FBXW7: variants seen among roughly 807,000 people sequenced by gnomAD.
The protein encoded by FBXW7 is F-box/WD repeat-containing protein 7.
In FBXW7, 11 loss-of-function variants were observed where a neutral mutation model predicts 86.3. The ratio of observed to expected loss-of-function variants is 0.13; its 90% CI spans 0.08 to 0.21. The LOEUF is 0.21. Ranked by LOEUF, FBXW7 falls within the 10% of genes least tolerant of loss-of-function variation. The pLI is 1.00. For missense variants in FBXW7, 488 were observed against 847.4 expected (o/e 0.58, Z 5.27); for synonymous variants, 313 against 297.9 (o/e 1.05, Z -0.52).
intron 4 of FBXW7, among the ~76,000 whole-genome samples, chr4:152,368,216 AC>A (rs1733674706): frequency 6.6e-6 from 1 of 152,070 alleles, no homozygotes; most frequent in Non-Finnish European, 1.5e-5. Flanking sequence ...TTCTCTACAT[AC>A]CAGCTGTATG....
intron 2 of FBXW7, among the ~76,000 whole-genome samples, chr4:152,488,798 A>ATAAT (rs1227482764): frequency 6.6e-6 from 1 of 152,084 alleles, no homozygotes; most frequent in Non-Finnish European, 1.5e-5. Flanking sequence ...AACTACCCAT[A>ATAAT]TAATATTCTC....
intron 2 of FBXW7, among the ~76,000 whole-genome samples, chr4:152,478,490 C>A (rs988732599): frequency 6.6e-6 from 1 of 152,036 alleles, no homozygotes; most frequent in Non-Finnish European, 1.5e-5. Flanking sequence ...CCTTTTTCAT[C>A]TTTTATTTAG....
intron 7 of FBXW7, among the ~76,000 whole-genome samples, chr4:152,335,148 G>A (rs1318232649): frequency 6.6e-6 from 1 of 152,110 alleles, no homozygotes; most frequent in Non-Finnish European, 1.5e-5. Context: ...TGAACTGAAT[G>A]TCCATATTCC....
chr4:152,388,568 TA>T (rs1192810616), intron 4 of FBXW7, among the ~76,000 whole-genome samples: 2 of 152,104 alleles, frequency 1.3e-5, no homozygotes, highest in Non-Finnish European at 2.9e-5. Context: ...CATTATAAAT[TA>T]AAAAGTAAAA....
intron 2 of FBXW7, among the ~76,000 whole-genome samples, chr4:152,465,211 C>T (rs1743294836): frequency 6.6e-6 from 1 of 151,886 alleles, no homozygotes; most frequent in Non-Finnish European, 1.5e-5. Context: ...AAAGTCTCTA[C>T]TGACATCAAA....
chr4:152,411,150 C>G (rs1579125627), intron 4 of FBXW7, 153 bp downstream of exon 4: 1 of 1,159,824 alleles, frequency 8.6e-7, no homozygotes, highest in East Asian at 2.7e-5. Context: ...TAATACTTTC[C>G]ATTACCTTCT....
At position 152,411,470 on chromosome 4, in the gene FBXW7, C is replaced by A. The variant is rs762567267; in HGVS notation, c.334G>T (p.Asp112Tyr). The A allele has an allele frequency of 4.3e-6, 7 of 1,613,398 alleles. No individual in the cohort carries two copies. Among genetic ancestry groups the A allele is most frequent in the African/African-American group, 1.3e-5 (1 of 74,888 alleles). ...TGGTCCATCTCCTCCTCCTCCTCAT[C>A]CTCCTCATCTTGTTCACCAGCATGT... ...EEHAGEQDEEDEEEEEMDQES... is the reference protein window; with the variant it reads ...EEHAGEQDEEYEEEEEMDQES... The change falls in exon 4 of 14, where the codon GAT becomes TAT. Residue 112 changes from aspartate (D) to tyrosine (Y), a missense_variant. Asp to Tyr is a radical substitution (Grantham distance 160). Transcript: ENST00000281708.
intron 2 of FBXW7, among the ~76,000 whole-genome samples, chr4:152,522,010 C>A (rs912769165): frequency 2.0e-5 from 3 of 151,114 alleles, no homozygotes; most frequent in Admixed American, 6.6e-5. Flanking sequence ...TAGTAAGGGT[C>A]CAATTTTAAA....
chr4:152,486,473 T>C (rs1745351654), intron 2 of FBXW7, among the ~76,000 whole-genome samples: 1 of 152,230 alleles, frequency 6.6e-6, no homozygotes, highest in South Asian at 2.1e-4. Flanking sequence ...AAAAAATTCC[T>C]GTTTTACTTT....
In FBXW7 at chr4:152,337,915, A is replaced by G. The variant is rs1160086023; in HGVS notation, c.748T>C (p.Leu250=). The change falls in exon 7 of 14, where the codon TTG becomes CTG. Residue 250 remains leucine, a synonymous_variant. Coordinates refer to ENST00000281708, the MANE Select transcript of FBXW7 (RefSeq NM_001349798.2). The stretch of plus-strand genomic sequence containing the variant: ...TCAATGAGTTCATCTAAAGCAAGCA[A>G]TTTCTCTGGTCCACTCCAGCTCTAT... ...MFQSWSGPEK[L]LALDELIDSC... 8.7e-6 allele frequency: 14 copies of G among 1,611,870 alleles called. No homozygotes were observed. The highest frequency in any genetic ancestry group is 5.3e-5 in the African/African-American group (4 of 74,822).
chr4:152,501,739 T>C (rs550973091), intron 2 of FBXW7, among the ~76,000 whole-genome samples: 2 of 152,260 alleles, frequency 1.3e-5, no homozygotes, highest in East Asian at 1.9e-4. Flanking sequence ...TTTTTTTTAT[T>C]TGTGAAAGAG....
At chr4:152,438,224 A>G (rs1351035303) in intron 2 of FBXW7, among the ~76,000 whole-genome samples, 2 of 152,218 alleles carry the variant, frequency 1.3e-5, no homozygotes, top group Non-Finnish European at 2.9e-5. Flanking sequence ...CACACTTTTT[A>G]GACAGAATGC....
chr4:152,336,783 T>C (rs1057326179), intron 7 of FBXW7, among the ~76,000 whole-genome samples: 2 of 152,062 alleles, frequency 1.3e-5, no homozygotes, highest in Admixed American at 6.6e-5. Context: ...TATGCTTAGT[T>C]CCATGCATTA....
intron 4 of FBXW7, among the ~76,000 whole-genome samples, chr4:152,372,605 C>CTGTG (rs1734103037): frequency 6.6e-6 from 1 of 151,894 alleles, no homozygotes; most frequent in South Asian, 2.1e-4. Flanking sequence ...AGACAAGGGA[C>CTGTG]TGTGGACTTA....
intron 4 of FBXW7, among the ~76,000 whole-genome samples, chr4:152,393,069 T>G (rs1736127077): frequency 6.6e-6 from 1 of 152,060 alleles, no homozygotes; most frequent in Admixed American, 6.6e-5. Flanking sequence ...GAAAAACAAA[T>G]TAGGTTTAAG....
intron 4 of FBXW7, among the ~76,000 whole-genome samples, chr4:152,405,463 T>C (rs1051183488): frequency 6.6e-6 from 1 of 152,136 alleles, no homozygotes; most frequent in African/African-American, 2.4e-5. Flanking sequence ...TATGGTAAGA[T>C]ATTGGAAGAC....
intron 2 of FBXW7, among the ~76,000 whole-genome samples, chr4:152,461,248 A>G (rs115013906): frequency 0.014 from 2,083 of 152,210 alleles, 26 homozygotes; most frequent in Middle Eastern, 0.037. Flanking sequence ...GCAAGACTCC[A>G]CCACAAAATA....
At chr4:152,500,012 G>C (rs967068430) in intron 2 of FBXW7, among the ~76,000 whole-genome samples, 1 of 152,062 alleles carries the variant, frequency 6.6e-6, no homozygotes, top group Non-Finnish European at 1.5e-5. Context: ...CACACCCCCT[G>C]AAGTAAAAAA....
chr4:152,382,160 T>C lies in FBXW7; in HGVS notation c.501+29143A>G, dbSNP rs545664033. 3.4e-6 allele frequency: 5 copies of C among 1,479,222 alleles called. No individual in the cohort carries two copies. In the African/African-American group the frequency reaches 7.1e-5, roughly 21 times the overall value. The allele number at this position is 1,479,222 out of a possible 1,614,324, so 91.6% of individuals were successfully genotyped here. A position where few individuals can be genotyped will look rare whatever the true frequency, so the allele number is the denominator to read the frequency against. ...CCAAGGTACTTCACTTAAATAAACATTCATATTTTTCAAATGTGTGAGACT... is the reference window on the plus strand; with the variant it reads ...CCAAGGTACTTCACTTAAATAAACACTCATATTTTTCAAATGTGTGAGACT... On this transcript the variant is annotated intron_variant, in intron 4 of 13. Transcript: ENST00000281708.
Sources: allele counts gnomAD v4.1 joint callset (sites outside exome capture counted in the v4.1 genomes callset), GRCh38; gene constraint gnomAD v4.1.1; transcripts MANE v1.5; gene names NCBI Gene and HGNC (gene_info 2026-07-23, HGNC 2026-07-21).